TTLL1: variants seen among roughly 807,000 people sequenced by gnomAD.
TTLL1 encodes polyglutamylase complex subunit TTLL1.
In TTLL1, 33 loss-of-function variants were observed where a neutral mutation model predicts 47.8. The observed-to-expected ratio is 0.69, with a 90% CI of 0.52 to 0.92. TTLL1 has a LOEUF of 0.92. TTLL1 is among the 40% of genes least tolerant of loss of function. The probability of loss-of-function intolerance (pLI) is 0.00; values close to 1 mark genes in which losing one functional copy is unlikely to be tolerated. For synonymous variants in TTLL1, 225 were observed against 214.1 expected (o/e 1.05, Z -0.45); for missense variants, 488 against 547.5 (o/e 0.89, Z 1.08).
chr22:43,040,017 G>A, intron 10 of TTLL1, 112 bp from the exon 11 acceptor site: 2 of 1,471,202 alleles, frequency 1.4e-6, no homozygotes, highest in Non-Finnish European at 1.8e-6. Context: ...CGGCCTGAGG[G>A]GGCCCCACCC....
chr22:43,086,155 AG>A (rs1929214715), intron 1 of TTLL1, among the ~76,000 whole-genome samples: 1 of 152,264 alleles, frequency 6.6e-6, no homozygotes, highest in East Asian at 1.9e-4. Flanking sequence ...AGTGGGGTTA[AG>A]GGTACTGAGT....
At position 43,059,495 on chromosome 22, in the gene TTLL1, C is replaced by G. The variant is rs1927260284; in HGVS notation, c.780G>C (p.Trp260Cys). The part of the protein sequence containing the change: ...EDYNHIHGGK[W>C]TVSNLRLYLE... Reference sequence around the variant, plus strand: ...GGTAGAGCCGCAGGTTACTCACTGTCCACTTGCCCCCATGGATGTGGTTGT... The same window carrying G: ...GGTAGAGCCGCAGGTTACTCACTGTGCACTTGCCCCCATGGATGTGGTTGT... Residue 260 changes from tryptophan (W) to cysteine (C), a missense_variant, in exon 8 of 11, where the codon TGG (tryptophan) becomes TGC (cysteine). By Grantham distance (215) the Trp-to-Cys change is radical. Transcript: ENST00000266254. 6.2e-7 allele frequency: 1 copy of G among 1,613,576 alleles called. No individual in the cohort carries two copies. The highest frequency in any genetic ancestry group is 1.1e-5 in the South Asian group (1 of 91,024).
At chr22:43,088,729 C>T (rs1929415953) in intron 1 of TTLL1, among the ~76,000 whole-genome samples, 1 of 152,064 alleles carries the variant, frequency 6.6e-6, no homozygotes, top group Non-Finnish European at 1.5e-5. Context: ...TTTGCAAATG[C>T]CAAAAGGGCT....
intron 3 of TTLL1, among the ~76,000 whole-genome samples, chr22:43,072,232 C>A (rs528470210): frequency 6.7e-6 from 1 of 148,974 alleles, no homozygotes; most frequent in Non-Finnish European, 1.5e-5. Flanking sequence ...CGGCTCACTG[C>A]AATCTCCGCC....
chr22:43,065,733 C>T (rs1380922918), intron 5 of TTLL1, among the ~76,000 whole-genome samples: 3 of 152,050 alleles, frequency 2.0e-5, no homozygotes, highest in African/African-American at 7.2e-5. Context: ...TGTGCCACGA[C>T]ACCCAGCTAA....
intron 1 of TTLL1, among the ~76,000 whole-genome samples, chr22:43,083,333 C>T (rs1339740648): frequency 1.3e-5 from 2 of 152,230 alleles, no homozygotes; most frequent in African/African-American, 4.8e-5. Flanking sequence ...TGCACCACTG[C>T]AGTCCAGCCT....
intron 7 of TTLL1, 127 bp from the exon 8 acceptor site, chr22:43,059,654 C>T (rs1356565571): frequency 2.5e-6 from 3 of 1,222,126 alleles, no homozygotes; most frequent in African/African-American, 1.5e-5. Context: ...ACAAGGCAAA[C>T]ATCCAGACCC....
rs181091815 is a variant in TTLL1 at position 43,042,649 on chromosome 22, G to A, written c.1143-2744C>T. Among the ~76,000 whole-genome samples the A allele has an allele frequency of 6.6e-5, 10 of 152,320 alleles. No homozygotes were observed. The East Asian group carries it at 1.9e-3, about 29-fold the overall frequency. On this transcript the variant is annotated intron_variant, in intron 10 of 10. Coordinates refer to ENST00000266254, the MANE Select transcript of TTLL1 (RefSeq NM_012263.5). ...TGAGGAGTTGCTGTGGGCACGCAGAGCACCTGGCATGGACGGGCGGCGCCG... is the reference window on the plus strand; with the variant it reads ...TGAGGAGTTGCTGTGGGCACGCAGAACACCTGGCATGGACGGGCGGCGCCG...
intron 1 of TTLL1, among the ~76,000 whole-genome samples, chr22:43,081,059 G>A (rs914348223): frequency 6.6e-6 from 1 of 151,596 alleles, no homozygotes; most frequent in Non-Finnish European, 1.5e-5. Context: ...GGGATTACAG[G>A]AGCCCATCAC....
intron 10 of TTLL1, among the ~76,000 whole-genome samples, chr22:43,044,412 G>A (rs1481296731): frequency 6.6e-6 from 1 of 152,150 alleles, no homozygotes; most frequent in Non-Finnish European, 1.5e-5. Context: ...ATCACCCACA[G>A]CAGGGGCAGG....
chr22:43,071,501 G>A (rs1056915764), intron 3 of TTLL1, among the ~76,000 whole-genome samples: 10 of 151,938 alleles, frequency 6.6e-5, no homozygotes, highest in South Asian at 4.2e-4. Context: ...CCTCTGCCTC[G>A]CAGGTTCGAG....
At chr22:43,075,412 G>A in intron 3 of TTLL1, 62 bp downstream of exon 3, 1 of 1,391,742 alleles carries the variant, frequency 7.2e-7, no homozygotes, top group Non-Finnish European at 1.0e-6. Flanking sequence ...GGAGGCACTG[G>A]AATTAGTAAA....
chr22:43,079,122 C>A (rs113785206), intron 2 of TTLL1, among the ~76,000 whole-genome samples: 1 of 92,854 alleles, frequency 1.1e-5, no homozygotes, highest in African/African-American at 3.6e-5. Context: ...CCCGCAGACA[C>A]GGGGACCATG....
In TTLL1 at chr22:43,059,454, C is replaced by T. The variant is rs1927255250; in HGVS notation, c.821G>A (p.Gly274Asp). 4 of 1,613,974 alleles carry T rather than the reference C, an allele frequency of 2.5e-6. No homozygotes were observed. Among genetic ancestry groups the T allele is most frequent in the Non-Finnish European group, 3.4e-6 (4 of 1,180,012 alleles). Residue 274 changes from glycine to aspartate, a missense_variant, in exon 8 of 11, where the codon GGC (glycine) becomes GAC (aspartate). By Grantham distance (94) the Gly-to-Asp change is moderately conservative. Coordinates refer to ENST00000266254, the MANE Select transcript of TTLL1 (RefSeq NM_012263.5). ...NLRLYLESTR[G>D]KEVTSKLFDE... Reference sequence around the variant, plus strand: ...GAACAGCTTGCTGGTCACCTCCTTGCCGCGGGTGCTCTCCAGGTAGAGCCG... The same window carrying T: ...GAACAGCTTGCTGGTCACCTCCTTGTCGCGGGTGCTCTCCAGGTAGAGCCG...
chr22:43,046,436 C>T lies in TTLL1; in HGVS notation c.1116G>A (p.Lys372=). 6.2e-7 allele frequency: 1 copy of T among 1,613,990 alleles called. No individual in the cohort carries two copies. Residue 372 remains lysine (K), a synonymous_variant, in exon 10 of 11, where the codon AAG becomes AAA. Coordinates refer to ENST00000266254, the MANE Select transcript of TTLL1 (RefSeq NM_012263.5). The part of the protein sequence containing the change: ...PDCKWNKSPP[K]EVLGNYEILY... ...GAATCTCGTAATTGCCGAGGACTTC[C>T]TTAGGTGGCGACTTGTTCCATTTGC...
chr22:43,063,640 T>A lies in TTLL1; in HGVS notation c.747+173A>T, dbSNP rs571925995. Among the ~76,000 whole-genome samples, 12 of 152,124 alleles carry A rather than the reference T, an allele frequency of 7.9e-5. 1 individual carries two copies. Among genetic ancestry groups the A allele is most frequent in the Admixed American group, 5.9e-4 (9 of 15,250 alleles). On this transcript the variant is annotated intron_variant, in intron 7 of 10. Coordinates refer to ENST00000266254, the MANE Select transcript of TTLL1 (RefSeq NM_012263.5). ...CCACCATGGTAATTTCCGTATTTTT[T>A]TTTTTAGTAGAGACAGGGTTTCATT...
chr22:43,051,749 T>A (rs1323875593), intron 9 of TTLL1, 52 bp downstream of exon 9: 6 of 1,561,796 alleles, frequency 3.8e-6, no homozygotes, highest in Non-Finnish European at 8.8e-7. Flanking sequence ...GGGGCAGAAG[T>A]GTGTTGGGGG....
At chr22:43,051,721 G>T in intron 9 of TTLL1, 80 bp downstream of exon 9, 1 of 1,329,098 alleles carries the variant, frequency 7.5e-7, no homozygotes, top group South Asian at 1.2e-5. Flanking sequence ...GGGCCTGGGG[G>T]ACTGCTGGGC....
At chr22:43,056,297 T>C (rs1352528833) in intron 8 of TTLL1, among the ~76,000 whole-genome samples, 4 of 148,976 alleles carry the variant, frequency 2.7e-5, no homozygotes, top group African/African-American at 9.9e-5. Flanking sequence ...AGGCGGAGGT[T>C]GCAGTGAGCC....
Sources: allele counts gnomAD v4.1 joint callset (sites outside exome capture counted in the v4.1 genomes callset), GRCh38; gene constraint gnomAD v4.1.1; transcripts MANE v1.5; gene names NCBI Gene and HGNC (gene_info 2026-07-23, HGNC 2026-07-21).